Variants in CNTNAP2 observed in about 807,000 individuals in gnomAD.
CNTNAP2 encodes the protein contactin-associated protein-like 2.
In CNTNAP2, 98 loss-of-function variants were observed where a neutral mutation model predicts 155.2. The observed-to-expected ratio is 0.63, with a 90% CI of 0.54 to 0.75. The LOEUF (loss-of-function observed/expected upper bound fraction) is 0.75, where lower values mean the gene tolerates loss of function less well. Among genes scored for constraint, CNTNAP2 ranks in the 30% least tolerant of loss-of-function variants. The probability of loss-of-function intolerance (pLI) is 0.00; values close to 1 mark genes in which losing one functional copy is unlikely to be tolerated. For synonymous variants in CNTNAP2, 651 were observed against 631.2 expected, an observed-to-expected ratio of 1.03 and a Z score of -0.47; for missense variants, 1,727 against 1,688.1, an observed-to-expected ratio of 1.02 and a Z score of -0.40.
chr7:148,338,558 G>A (rs1158725126), intron 21 of CNTNAP2, among the ~76,000 whole-genome samples: 2 of 150,510 alleles, frequency 1.3e-5, no homozygotes, highest in Admixed American at 6.6e-5. Flanking sequence ...GCGTGGGGGG[G>A]TGAGGGGGGG....
At chr7:148,174,419 C>A (rs1389726548) in intron 18 of CNTNAP2, among the ~76,000 whole-genome samples, 2 of 142,364 alleles carry the variant, frequency 1.4e-5, no homozygotes, top group Non-Finnish European at 3.0e-5. Context: ...TTCCTGTGAC[C>A]GCCCCCCACC....
chr7:146,183,449 G>A (rs1211382093), intron 1 of CNTNAP2, among the ~76,000 whole-genome samples: 4 of 151,936 alleles, frequency 2.6e-5, no homozygotes, highest in Non-Finnish European at 5.9e-5. Context: ...TGAGTTTGTG[G>A]CTTGCTCTCT....
At chr7:148,324,794 CAAA>C (rs72157861) in intron 21 of CNTNAP2, among the ~76,000 whole-genome samples, 24,286 of 105,822 alleles carry the variant, frequency 0.23, 2,756 homozygotes, top group South Asian at 0.45. Flanking sequence ...GACTCCATCT[CAAA>C]AAAAAAAAAA....
chr7:146,328,980 G>A (rs1476554722), intron 1 of CNTNAP2, among the ~76,000 whole-genome samples: 1 of 152,190 alleles, frequency 6.6e-6, no homozygotes, highest in African/African-American at 2.4e-5. Context: ...ATGAATAAAT[G>A]TTACAGTGAA....
intron 1 of CNTNAP2, among the ~76,000 whole-genome samples, chr7:146,170,044 G>A (rs1324838820): frequency 1.3e-5 from 2 of 148,800 alleles, no homozygotes; most frequent in African/African-American, 2.5e-5. Flanking sequence ...TTGGAGTGGG[G>A]TGGTCTCACT....
At chr7:147,144,937 T>C (rs1801670753) in intron 8 of CNTNAP2, among the ~76,000 whole-genome samples, 1 of 152,152 alleles carries the variant, frequency 6.6e-6, no homozygotes, top group Non-Finnish European at 1.5e-5. Context: ...TTTGATGAAG[T>C]AAAAAACGTT....
intron 10 of CNTNAP2, among the ~76,000 whole-genome samples, chr7:147,477,953 G>T (rs1007806620): frequency 4.6e-5 from 7 of 152,046 alleles, no homozygotes; most frequent in African/African-American, 1.7e-4. Context: ...CCAACCTATG[G>T]TTGTACATTT....
chr7:146,272,234 A>G (rs545918266), intron 1 of CNTNAP2, among the ~76,000 whole-genome samples: 2 of 152,230 alleles, frequency 1.3e-5, no homozygotes, highest in South Asian at 2.1e-4. Flanking sequence ...CAAAAGGGGG[A>G]AAATCTCCCT....
chr7:147,597,637 CAT>C (rs1317844830), intron 12 of CNTNAP2, among the ~76,000 whole-genome samples: 1 of 152,106 alleles, frequency 6.6e-6, no homozygotes, highest in Non-Finnish European at 1.5e-5. Context: ...CCACCAATAA[CAT>C]GTGAGTTAGA....
At chr7:147,550,357 A>G (rs185900787) in intron 11 of CNTNAP2, among the ~76,000 whole-genome samples, 33 of 152,248 alleles carry the variant, frequency 2.2e-4, no homozygotes, top group African/African-American at 7.7e-4. Flanking sequence ...GTGGTAGTGA[A>G]TAAGTCTCAT....
chr7:147,997,571 A>G (rs1240742291), intron 15 of CNTNAP2, among the ~76,000 whole-genome samples: 1 of 152,126 alleles, frequency 6.6e-6, no homozygotes, highest in East Asian at 1.9e-4. Flanking sequence ...AAAAAAAAAA[A>G]AATTTAAACA....
intron 1 of CNTNAP2, among the ~76,000 whole-genome samples, chr7:146,136,660 G>A (rs1019043166): frequency 7.5e-5 from 7 of 93,434 alleles, no homozygotes; most frequent in African/African-American, 3.0e-4. Context: ...GTGTGGTTTG[G>A]TTTGGTTCTT....
intron 16 of CNTNAP2, among the ~76,000 whole-genome samples, chr7:148,138,776 C>T (rs989030524): frequency 3.9e-5 from 6 of 152,184 alleles, no homozygotes; most frequent in African/African-American, 9.7e-5. Context: ...TCTTTCCAAA[C>T]AAGAGGGTAT....
At chr7:148,308,643 G>A (rs1797534145) in intron 21 of CNTNAP2, among the ~76,000 whole-genome samples, 1 of 151,582 alleles carries the variant, frequency 6.6e-6, no homozygotes, top group Admixed American at 6.6e-5. Context: ...TGTTACATAG[G>A]TATACACGTG....
At chr7:148,117,127 T>G (rs962166393) in intron 15 of CNTNAP2, among the ~76,000 whole-genome samples, 3 of 152,230 alleles carry the variant, frequency 2.0e-5, no homozygotes, top group Admixed American at 6.5e-5. Flanking sequence ...GTGTTTTTAT[T>G]GCATCCTGCG....
chr7:146,587,979 A>T lies in CNTNAP2; in HGVS notation c.98-186292A>T, dbSNP rs1229050316. On this transcript the variant is annotated intron_variant, in intron 1 of 23. Transcript: ENST00000361727. ...GTGAGCCACTGCGCCCGGCCTGATG[A>T]TTAATTTTCAAACAAACCGTGTGTG... Among the ~76,000 whole-genome samples the T allele has an allele frequency of 8.6e-4, 128 of 148,418 alleles. 1 individual carries two copies. Among genetic ancestry groups the T allele is most frequent in the African/African-American group, 3.0e-3 (119 of 40,210 alleles).
chr7:147,576,939 T>C (rs1453906057), intron 12 of CNTNAP2, among the ~76,000 whole-genome samples: 1 of 152,088 alleles, frequency 6.6e-6, no homozygotes, highest in Admixed American at 6.6e-5. Context: ...AGCCATATTG[T>C]CTAATACACA....
intron 3 of CNTNAP2, among the ~76,000 whole-genome samples, chr7:147,004,872 C>T (rs1457394144): frequency 6.6e-6 from 1 of 151,956 alleles, no homozygotes. Flanking sequence ...ATGGAATATA[C>T]TGGAAAATAT....
intron 1 of CNTNAP2, among the ~76,000 whole-genome samples, chr7:146,420,450 G>A (rs1341974367): frequency 5.3e-5 from 8 of 151,946 alleles, no homozygotes; most frequent in East Asian, 1.9e-4. Context: ...TAGTGAATTC[G>A]CATTTTTAAC....
Sources: gnomAD v4.1 joint callset for allele counts (sites outside exome capture counted in the v4.1 genomes callset) on GRCh38, gnomAD v4.1.1 for gene constraint, MANE v1.5 for transcripts, NCBI Gene and HGNC (gene_info 2026-07-23, HGNC 2026-07-21) for gene names.